The following ITM2B variants were observed in gnomAD, a reference collection of about 807,000 sequenced individuals.
ITM2B encodes integral membrane protein 2B, also known as ABri/ADan amyloid peptide.
In ITM2B, 11 loss-of-function variants were observed where a neutral mutation model predicts 27.8. The observed-to-expected ratio is 0.40, with a 90% CI of 0.25 to 0.66. The LOEUF is 0.66. Among genes scored for constraint, ITM2B ranks in the 30% least tolerant of loss-of-function variants. ITM2B has a pLI of 0.43. For synonymous variants in ITM2B, 114 were observed against 114.3 expected (o/e 1.00, Z 0.02); for missense variants, 296 against 328.9 (o/e 0.90, Z 0.77).
chr13:48,247,983 A>C (rs532816869), intron 1 of ITM2B, among the ~76,000 whole-genome samples: 11 of 151,868 alleles, frequency 7.2e-5, no homozygotes, highest in Admixed American at 2.0e-4. Flanking sequence ...AAGGTGCACC[A>C]GTTTTATTGC....
At chr13:48,236,876 C>T (rs139658882) in intron 1 of ITM2B, among the ~76,000 whole-genome samples, 218 of 152,166 alleles carry the variant, frequency 1.4e-3, no homozygotes, top group African/African-American at 5.1e-3. Flanking sequence ...TTCTCTCTAC[C>T]CCACTTTGTA....
intron 1 of ITM2B, among the ~76,000 whole-genome samples, chr13:48,241,734 A>G (rs1243631012): frequency 6.6e-6 from 1 of 152,254 alleles, no homozygotes; most frequent in Non-Finnish European, 1.5e-5. Context: ...AATAGAAGAT[A>G]GCCGGATTTT....
chr13:48,254,024 T>G, intron 2 of ITM2B, 88 bp downstream of exon 2: 3 of 1,282,924 alleles, frequency 2.3e-6, no homozygotes, highest in South Asian at 2.4e-5. Context: ...CAACTTGCGC[T>G]AAGCTTGTAC....
intron 1 of ITM2B, among the ~76,000 whole-genome samples, chr13:48,234,794 G>A (rs1951657607): frequency 6.6e-6 from 1 of 152,172 alleles, no homozygotes; most frequent in Non-Finnish European, 1.5e-5. Context: ...TCCCTAAAAG[G>A]ATTAAAGGTT....
chr13:48,252,630 G>A (rs1171827578), intron 1 of ITM2B, among the ~76,000 whole-genome samples: 1 of 152,196 alleles, frequency 6.6e-6, no homozygotes, highest in Non-Finnish European at 1.5e-5. Flanking sequence ...AGGTTGTGTA[G>A]TGCTGTTCCA....
In ITM2B at chr13:48,233,256, G is replaced by A. The variant is rs536989630; in HGVS notation, c.-105G>A. The A allele has an allele frequency of 1.4e-4, 93 of 659,982 alleles. No individual in the cohort carries two copies. In the East Asian group the frequency reaches 2.9e-3, roughly 21 times the overall value. 40.9% of individuals were successfully genotyped at this position (659,982 alleles called of 1,614,324 possible). A position where few individuals can be genotyped will look rare whatever the true frequency, so the allele number is the denominator to read the frequency against. ...CTTCCCGAACCTCTTCAGCCGCCCG[G>A]AGCCGCTCCCGGAGCCCGGCCGTAG... On this transcript the variant is annotated 5_prime_UTR_variant, in exon 1 of 6. Coordinates refer to ENST00000647800, the MANE Select transcript of ITM2B (RefSeq NM_021999.5).
chr13:48,255,840 T>G (rs1481733277), intron 2 of ITM2B, among the ~76,000 whole-genome samples: 1 of 152,214 alleles, frequency 6.6e-6, no homozygotes, highest in Admixed American at 6.5e-5. Flanking sequence ...TTGGAATGTA[T>G]TCTTCTATAA....
In ITM2B at chr13:48,261,177, C is replaced by T. The variant is rs1951820083; in HGVS notation, c.754C>T (p.Arg252Trp). Residue 252 changes from arginine (R) to tryptophan (W), a missense_variant, in exon 6 of 6, where the codon CGG becomes TGG. Coordinates refer to ENST00000647800, the MANE Select transcript of ITM2B (RefSeq NM_021999.5). The stretch of plus-strand genomic sequence containing the variant: ...TGAAGCCAGCAATTGTTTCGCAATT[C>T]GGCATTTTGAAAACAAATTTGCCGT... Reference protein sequence around the residue: ...KREASNCFAIRHFENKFAVET... With the variant: ...KREASNCFAIWHFENKFAVET... 1.9e-6 allele frequency: 3 copies of T among 1,612,366 alleles called. No homozygotes were observed. Among genetic ancestry groups the T allele is most frequent in the East Asian group, 2.2e-5 (1 of 44,776 alleles).
At chr13:48,251,571 A>G (rs960978169) in intron 1 of ITM2B, among the ~76,000 whole-genome samples, 6 of 152,212 alleles carry the variant, frequency 3.9e-5, no homozygotes, top group Non-Finnish European at 7.3e-5. Context: ...ATATATTACA[A>G]TGCCTTGAAA....
chr13:48,233,603 G>T (rs934183099), intron 1 of ITM2B, 126 bp downstream of exon 1: 1 of 525,980 alleles, frequency 1.9e-6, no homozygotes, highest in Non-Finnish European at 3.2e-6. Flanking sequence ...AAGTCCCCGA[G>T]AGAGCCCGGC....
intron 1 of ITM2B, among the ~76,000 whole-genome samples, chr13:48,241,511 C>T (rs531960817): frequency 1.3e-5 from 2 of 152,280 alleles, no homozygotes; most frequent in Middle Eastern, 3.4e-3. Context: ...GCACCTGGCC[C>T]TCCATGTTTC....
At chr13:48,246,585 A>G (rs1036860114) in intron 1 of ITM2B, among the ~76,000 whole-genome samples, 1 of 152,244 alleles carries the variant, frequency 6.6e-6, no homozygotes, top group African/African-American at 2.4e-5. Flanking sequence ...TACTGAGGAA[A>G]GAAACCTAAT....
chr13:48,248,358 A>C (rs1951735445), intron 1 of ITM2B, among the ~76,000 whole-genome samples: 1 of 151,392 alleles, frequency 6.6e-6, no homozygotes, highest in Admixed American at 6.6e-5. Context: ...CTGGTCTGGA[A>C]CTCCTGGGCT....
In ITM2B at chr13:48,261,300, ATTTTT is replaced by A; in HGVS notation, c.*78_*82del. 9.7e-7 allele frequency: 1 copy of A among 1,028,510 alleles called. No individual in the cohort carries two copies. The highest frequency in any genetic ancestry group is 1.3e-5 in the South Asian group (1 of 74,462). 63.7% of individuals were successfully genotyped at this position (1,028,510 alleles called of 1,614,324 possible). A position where few individuals can be genotyped will look rare whatever the true frequency, so the allele number is the denominator to read the frequency against. On this transcript the variant is annotated 3_prime_UTR_variant, in exon 6 of 6. Transcript: ENST00000647800. ...ACCCTTTACATTTTGTGCAGTGATT[ATTTTT>A]TAAAGTCTTCTTTCATGTAAGTAGC...
chr13:48,251,863 G>T (rs896531131), intron 1 of ITM2B, among the ~76,000 whole-genome samples: 3 of 152,184 alleles, frequency 2.0e-5, no homozygotes, highest in African/African-American at 7.2e-5. Flanking sequence ...TCAAGCAAAA[G>T]ATGTATACTT....
rs1391948509 is a variant in ITM2B at position 48,267,699 on chromosome 13, G to C, written c.*6475G>C. 2 of 152,104 alleles carry C rather than the reference G, an allele frequency of 1.3e-5. No homozygotes were observed. The highest frequency in any genetic ancestry group is 2.9e-5 in the Non-Finnish European group (2 of 68,030). The allele number at this position is 152,104 out of a possible 1,614,324, so 9.4% of individuals were successfully genotyped here. ...TCTTATCTAAGTATTTTAAAATTTA[G>C]TGTTAGGAAAATTTTTTTCACATAG... On this transcript the variant is annotated 3_prime_UTR_variant, in exon 6 of 6. Transcript: ENST00000647800.
At chr13:48,254,055 C>A in intron 2 of ITM2B, 119 bp downstream of exon 2, 1 of 934,832 alleles carries the variant, frequency 1.1e-6, no homozygotes, top group Non-Finnish European at 1.7e-6. Context: ...TGACCTTCAG[C>A]CAGAGTGGTA....
In ITM2B at chr13:48,253,924, T is replaced by A. The variant is rs1489164145; in HGVS notation, c.234T>A (p.Tyr78Ter). 1 of 1,613,978 alleles carries A rather than the reference T, an allele frequency of 6.2e-7. No individual in the cohort carries two copies. The highest frequency in any genetic ancestry group is 2.2e-5 in the East Asian group (1 of 44,866). The change falls in exon 2 of 6, where the codon TAT (tyrosine) becomes TAA (stop). Residue 78 changes from tyrosine (Y) to a stop codon, truncating the protein, a stop_gained. Transcript: ENST00000647800. LOFTEE classifies it high-confidence loss of function. ...TAGGAGGAGCATACTTGTACAAATA[T>A]TTTGCACTTCAAGTAAGTGGAAAAA... The part of the protein sequence containing the change: ...VILGGAYLYK[Y>*]FALQPDDVYY...
At chr13:48,260,564 A>G (rs961667935) in intron 5 of ITM2B, among the ~76,000 whole-genome samples, 5 of 142,784 alleles carry the variant, frequency 3.5e-5, no homozygotes, top group Admixed American at 1.4e-4. Context: ...TCCCATCTTT[A>G]TGTCAGTGAG....
Sources: allele counts gnomAD v4.1 joint callset (sites outside exome capture counted in the v4.1 genomes callset), GRCh38; gene constraint gnomAD v4.1.1; transcripts MANE v1.5; gene names NCBI Gene and HGNC (gene_info 2026-07-23, HGNC 2026-07-21).